The following ELP6 variants were observed in gnomAD, a reference collection of about 807,000 sequenced individuals.
The protein encoded by ELP6 is elongator complex protein 6.
ELP6 carries 23 observed loss-of-function variants against 28.1 expected under a neutral mutation model. That is an observed-to-expected ratio of 0.82 (90% CI 0.59 to 1.16). The LOEUF (loss-of-function observed/expected upper bound fraction) is 1.16. Among genes scored for constraint, ELP6 ranks in the 50% most tolerant of loss-of-function variants. The pLI is 0.00. For synonymous variants in ELP6, 132 were observed against 135.8 expected (o/e 0.97, Z 0.19); for missense variants, 313 against 334.6 (o/e 0.94, Z 0.50).
intron 3 of ELP6, among the ~76,000 whole-genome samples, chr3:47,509,323 T>C (rs1321308876): frequency 6.6e-6 from 1 of 152,226 alleles, no homozygotes; most frequent in Non-Finnish European, 1.5e-5. Context: ...TCTCTAAGCC[T>C]GGCCTGTCCA....
chr3:47,509,650 G>A lies in ELP6; in HGVS notation c.204+534C>T, dbSNP rs74735516. 1.0e-2 allele frequency among the ~76,000 whole-genome samples: 1,521 copies of A among 152,312 alleles called. 8 individuals carry two copies. Among genetic ancestry groups the A allele is most frequent in the Non-Finnish European group, 0.016 (1,102 of 68,036 alleles). On this transcript the variant is annotated intron_variant, in intron 3 of 6. Transcript: ENST00000296149. ...GAAAACCTTAACTGGTCCAGAATGAGTAGAGAAAGGTTTGATTAATTAACA... is the reference window on the plus strand; with the variant it reads ...GAAAACCTTAACTGGTCCAGAATGAATAGAGAAAGGTTTGATTAATTAACA...
intron 3 of ELP6, among the ~76,000 whole-genome samples, chr3:47,505,960 T>C (rs1034752495): frequency 2.0e-5 from 3 of 152,134 alleles, no homozygotes; most frequent in Non-Finnish European, 4.4e-5. Context: ...CACCTGCCGA[T>C]ATCAGGAAAC....
Position 47,511,233 on chromosome 3 carries a change from G to C in ELP6, c.55-7C>G, listed in dbSNP as rs1709008998. On this transcript the variant is annotated splice_polypyrimidine_tract_variant and splice_region_variant and intron_variant, in intron 1 of 6. Coordinates refer to ENST00000296149, the MANE Select transcript of ELP6 (RefSeq NM_001031703.3). ...AGAGTAGAGTCAGTTTCCCCTAAAA[G>C]TTACAAGGAACACAAAAAGGTTAGA... 6 of 1,613,838 alleles carry C rather than the reference G, an allele frequency of 3.7e-6. No homozygotes were observed. The highest frequency in any genetic ancestry group is 5.1e-6 in the Non-Finnish European group (6 of 1,179,904).
intron 5 of ELP6, among the ~76,000 whole-genome samples, chr3:47,500,750 C>T (rs999616365): frequency 1.5e-4 from 23 of 152,192 alleles, no homozygotes; most frequent in African/African-American, 5.1e-4. Context: ...GCCAGGACGG[C>T]CTCAGAAGTT....
chr3:47,506,217 T>C (rs565755947), intron 3 of ELP6, among the ~76,000 whole-genome samples: 237 of 152,104 alleles, frequency 1.6e-3, no homozygotes, highest in African/African-American at 5.3e-3. Context: ...CACAAGGTAA[T>C]AGAATATCAC....
intron 5 of ELP6, chr3:47,498,787 G>C: frequency 2.3e-6 from 2 of 851,358 alleles, no homozygotes; most frequent in Non-Finnish European, 2.8e-6. Context: ...ACTTAAGAGT[G>C]TACCAGATCC....
chr3:47,510,983 G>A (rs950035103), intron 2 of ELP6, among the ~76,000 whole-genome samples, 165 bp downstream of exon 2: 2 of 152,184 alleles, frequency 1.3e-5, no homozygotes, highest in African/African-American at 2.4e-5. Context: ...GGGAAGGAAC[G>A]AGATGGCCTA....
chr3:47,508,594 T>C (rs1005277244), intron 3 of ELP6, among the ~76,000 whole-genome samples: 2 of 152,172 alleles, frequency 1.3e-5, no homozygotes, highest in African/African-American at 4.8e-5. Context: ...CTTTAGCCTA[T>C]TGACATGGTG....
At chr3:47,509,734 C>T (rs1041436294) in intron 3 of ELP6, among the ~76,000 whole-genome samples, 2 of 151,924 alleles carry the variant, frequency 1.3e-5, no homozygotes, top group Non-Finnish European at 1.5e-5. Flanking sequence ...GAGATGCTAC[C>T]TTAGCCCTTC....
intron 1 of ELP6, chr3:47,512,694 G>A: frequency 1.0e-6 from 1 of 985,442 alleles, no homozygotes; most frequent in Non-Finnish European, 1.2e-6. Context: ...AGACGGACTT[G>A]GTCCAAGCCA....
intron 6 of ELP6, 98 bp from the exon 7 acceptor site, chr3:47,496,295 T>G (rs1708477418): frequency 6.8e-7 from 1 of 1,472,870 alleles, no homozygotes; most frequent in African/African-American, 1.4e-5. Context: ...AGCTGAGGCC[T>G]CTATGAGATG....
Position 47,501,642 on chromosome 3 carries a change from A to G in ELP6, c.525+8T>C, listed in dbSNP as rs1708655299. The G allele has an allele frequency of 6.2e-7, 1 of 1,614,038 alleles. No homozygotes were observed. Among genetic ancestry groups the G allele is most frequent in the Middle Eastern group, 1.7e-4 (1 of 6,060 alleles). ...AGGTGGGCGCAGAGAAGGCAGTTCC[A>G]TGAGTACCTTTAGTTCCCAGCACAC... On this transcript the variant is annotated splice_region_variant and intron_variant, in intron 5 of 6. Transcript: ENST00000296149.
intron 1 of ELP6, 46 bp from the exon 2 acceptor site, chr3:47,511,272 G>C (rs1462302771): frequency 1.1e-5 from 18 of 1,597,348 alleles, no homozygotes; most frequent in Non-Finnish European, 1.5e-5. Flanking sequence ...CCTGGAAAGA[G>C]GTCAGCTTAG....
At chr3:47,512,062 T>C (rs1709031320) in intron 1 of ELP6, 3 of 985,474 alleles carry the variant, frequency 3.0e-6, no homozygotes, top group Non-Finnish European at 3.6e-6. Flanking sequence ...ACTTTGGAAG[T>C]GCCAGTGGTA....
At chr3:47,498,613 A>G in intron 5 of ELP6, 181 bp from the exon 6 acceptor site, 5 of 985,358 alleles carry the variant, frequency 5.1e-6, no homozygotes, top group Non-Finnish European at 6.0e-6. Flanking sequence ...CCTACTGGAC[A>G]ACTTCACCCA....
chr3:47,512,130 A>G, intron 1 of ELP6: 2 of 940,258 alleles, frequency 2.1e-6, no homozygotes, highest in Non-Finnish European at 2.5e-6. Flanking sequence ...AAAATCCACA[A>G]GGATCTACTG....
intron 6 of ELP6, chr3:47,496,976 C>G: frequency 3.0e-6 from 3 of 985,442 alleles, no homozygotes; most frequent in Non-Finnish European, 3.6e-6. Flanking sequence ...TGCCCAGCAG[C>G]ACCTTCTCCT....
chr3:47,513,647 G>A lies in ELP6; in HGVS notation c.-57C>T. On this transcript the variant is annotated 5_prime_UTR_variant, in exon 1 of 7. Coordinates refer to ENST00000296149, the MANE Select transcript of ELP6 (RefSeq NM_001031703.3). Reference sequence around the variant, plus strand: ...GAACCCGGAGTGCTGCAGAGACGACGGAGGCTGGAGAGCAAAACACACCCG... The same window carrying A: ...GAACCCGGAGTGCTGCAGAGACGACAGAGGCTGGAGAGCAAAACACACCCG... 6.2e-7 allele frequency: 1 copy of A among 1,606,386 alleles called. No homozygotes were observed. The highest frequency in any genetic ancestry group is 8.5e-7 in the Non-Finnish European group (1 of 1,174,760).
intron 1 of ELP6, chr3:47,512,156 C>G (rs1017808218): frequency 1.3e-6 from 1 of 783,948 alleles, no homozygotes; most frequent in African/African-American, 1.9e-5. Flanking sequence ...TACAATTTGG[C>G]GCTATGGGGT....
Sources: allele counts gnomAD v4.1 joint callset (sites outside exome capture counted in the v4.1 genomes callset), GRCh38; gene constraint gnomAD v4.1.1; transcripts MANE v1.5; gene names NCBI Gene and HGNC (gene_info 2026-07-23, HGNC 2026-07-21).